Variants in CSMD1 observed in about 807,000 individuals in gnomAD.
CSMD1 encodes the protein CUB and sushi domain-containing protein 1.
Under a neutral mutation model 417.5 loss-of-function variants are expected in CSMD1, and 213 were observed. The observed-to-expected ratio is 0.51, with a 90% CI of 0.46 to 0.57. CSMD1 has a LOEUF of 0.57. Ranked by LOEUF, CSMD1 falls within the 20% of genes least tolerant of loss-of-function variation. CSMD1 has a pLI of 0.00. For synonymous variants in CSMD1, 2,862 were observed against 1,736.8 expected (o/e 1.65, Z -16.11); for missense variants, 6,923 against 4,529.7 (o/e 1.53, Z -15.17).
chr8:4,766,838 A>C (rs1812499586), intron 1 of CSMD1, among the ~76,000 whole-genome samples: 1 of 152,190 alleles, frequency 6.6e-6, no homozygotes, highest in Non-Finnish European at 1.5e-5. Flanking sequence ...ATGATTTCTT[A>C]TGATTTCTCA....
At chr8:4,600,134 T>G (rs750585990) in intron 2 of CSMD1, among the ~76,000 whole-genome samples, 4 of 152,106 alleles carry the variant, frequency 2.6e-5, no homozygotes, top group Non-Finnish European at 5.9e-5. Flanking sequence ...CAGCACTTAT[T>G]GCCTAGCTGG....
At chr8:3,757,644 C>T (rs1797733380) in intron 5 of CSMD1, among the ~76,000 whole-genome samples, 1 of 152,022 alleles carries the variant, frequency 6.6e-6, no homozygotes, top group South Asian at 2.1e-4. Context: ...GGGTGGATCA[C>T]CTGAGGTCAA....
intron 5 of CSMD1, among the ~76,000 whole-genome samples, chr8:3,982,856 C>G (rs1043654830): frequency 2.0e-5 from 3 of 152,168 alleles, no homozygotes; most frequent in Non-Finnish European, 4.4e-5. Flanking sequence ...TCTACGCATA[C>G]CAAGGACAAA....
At chr8:4,977,477 A>T (rs866269096) in intron 1 of CSMD1, among the ~76,000 whole-genome samples, 2 of 152,162 alleles carry the variant, frequency 1.3e-5, no homozygotes, top group Non-Finnish European at 2.9e-5. Context: ...AGAAGGTCTC[A>T]TCTCTTCTGG....
intron 6 of CSMD1, among the ~76,000 whole-genome samples, chr8:3,712,293 T>C (rs143022938): frequency 2.0e-5 from 3 of 152,064 alleles, no homozygotes; most frequent in African/African-American, 7.2e-5. Flanking sequence ...TCCTCTTTTC[T>C]TCCTTCCACA....
intron 25 of CSMD1, among the ~76,000 whole-genome samples, chr8:3,288,454 C>G (rs1335001722): frequency 1.4e-5 from 2 of 146,954 alleles, no homozygotes; most frequent in Non-Finnish European, 2.9e-5. Context: ...TGGTAAGCTA[C>G]TGATTATTGC....
intron 20 of CSMD1, among the ~76,000 whole-genome samples, chr8:3,365,644 A>G (rs1337336791): frequency 2.0e-5 from 3 of 152,234 alleles, no homozygotes; most frequent in Admixed American, 6.5e-5. Context: ...TCATGAAAGC[A>G]CAAAATATAT....
At chr8:4,311,629 A>C (rs183271419) in intron 3 of CSMD1, among the ~76,000 whole-genome samples, 7 of 151,724 alleles carry the variant, frequency 4.6e-5, no homozygotes. Context: ...AAGCTTAGAC[A>C]GGAGAATTGC....
At chr8:4,157,720 T>G (rs968283897) in intron 3 of CSMD1, among the ~76,000 whole-genome samples, 5 of 152,210 alleles carry the variant, frequency 3.3e-5, no homozygotes, top group Admixed American at 3.3e-4. Flanking sequence ...CAGTTGTCCC[T>G]CTGGCCGTCC....
At chr8:3,401,781 G>A (rs539457676) in intron 15 of CSMD1, among the ~76,000 whole-genome samples, 1 of 152,228 alleles carries the variant, frequency 6.6e-6, no homozygotes, top group South Asian at 2.1e-4. Context: ...TAATTGACCA[G>A]AACCCATGAC....
intron 12 of CSMD1, among the ~76,000 whole-genome samples, chr8:3,441,052 A>G (rs990330528): frequency 1.3e-5 from 2 of 152,180 alleles, no homozygotes; most frequent in Admixed American, 1.3e-4. Flanking sequence ...ATGCCTTTGT[A>G]TGAAACACAT....
chr8:3,573,515 C>T (rs186284248), intron 10 of CSMD1, among the ~76,000 whole-genome samples: 11 of 152,260 alleles, frequency 7.2e-5, no homozygotes, highest in African/African-American at 2.6e-4. Flanking sequence ...CCTGCAACGC[C>T]CTGGAGTTTT....
At chr8:3,955,103 G>A (rs920543805) in intron 5 of CSMD1, among the ~76,000 whole-genome samples, 2 of 152,144 alleles carry the variant, frequency 1.3e-5, no homozygotes, top group Non-Finnish European at 2.9e-5. Flanking sequence ...GTGCGGGAAA[G>A]CCGTCTCCTG....
intron 6 of CSMD1, among the ~76,000 whole-genome samples, chr8:3,735,441 G>A (rs1796481872): frequency 6.6e-6 from 1 of 152,154 alleles, no homozygotes; most frequent in African/African-American, 2.4e-5. Context: ...TCTACAAAAT[G>A]CAGGTATTAG....
intron 3 of CSMD1, among the ~76,000 whole-genome samples, chr8:4,394,246 T>C (rs1804055598): frequency 6.6e-6 from 1 of 152,186 alleles, no homozygotes; most frequent in Admixed American, 6.5e-5. Flanking sequence ...TATTCTTTCA[T>C]AAGAAAACAA....
At chr8:4,418,294 T>G (rs963346672) in intron 3 of CSMD1, among the ~76,000 whole-genome samples, 1 of 152,164 alleles carries the variant, frequency 6.6e-6, no homozygotes, top group Non-Finnish European at 1.5e-5. Context: ...AGAAAGTTTT[T>G]CAGTTGATCT....
chr8:4,130,451 G>C (rs1229806014), intron 3 of CSMD1, among the ~76,000 whole-genome samples: 1 of 152,014 alleles, frequency 6.6e-6, no homozygotes, highest in Non-Finnish European at 1.5e-5. Flanking sequence ...AAAATTTCTG[G>C]TTCTGCCAAT....
intron 3 of CSMD1, among the ~76,000 whole-genome samples, chr8:4,037,163 C>G (rs1467637655): frequency 6.6e-6 from 1 of 152,164 alleles, no homozygotes; most frequent in Non-Finnish European, 1.5e-5. Context: ...ACATGTGTGT[C>G]AGTGTTCAAT....
intron 2 of CSMD1, among the ~76,000 whole-genome samples, chr8:4,445,787 G>C (rs1249747854): frequency 6.6e-6 from 1 of 152,194 alleles, no homozygotes; most frequent in South Asian, 2.1e-4. Context: ...TCACAGAAAT[G>C]TGTCAGAAAT....
Sources: allele counts gnomAD v4.1 joint callset (sites outside exome capture counted in the v4.1 genomes callset), GRCh38; gene constraint gnomAD v4.1.1; transcripts MANE v1.5; gene names NCBI Gene and HGNC (gene_info 2026-07-23, HGNC 2026-07-21).